The following SPAST variants were observed in gnomAD, a reference collection of about 807,000 sequenced individuals.
SPAST encodes spastic paraplegia 4 (autosomal dominant; spastin).
SPAST carries 30 observed loss-of-function variants against 76.6 expected under a neutral mutation model. The ratio of observed to expected loss-of-function variants is 0.39; its 90% CI spans 0.29 to 0.53. The LOEUF (loss-of-function observed/expected upper bound fraction) is 0.53. Ranked by LOEUF, SPAST falls within the 20% of genes least tolerant of loss-of-function variation. The pLI is 0.68. For missense variants in SPAST, 717 were observed against 770.5 expected (o/e 0.93, Z 0.82); for synonymous variants, 305 against 281.0 (o/e 1.09, Z -0.86).
At chr2:32,107,287 C>T (rs1056058611) in intron 4 of SPAST, among the ~76,000 whole-genome samples, 3 of 152,040 alleles carry the variant, frequency 2.0e-5, no homozygotes, top group South Asian at 2.1e-4. Flanking sequence ...GGCTGGAGTG[C>T]GGTGGCGCAA....
intron 9 of SPAST, among the ~76,000 whole-genome samples, chr2:32,132,315 T>C (rs1241079333): frequency 6.6e-6 from 1 of 152,070 alleles, no homozygotes; most frequent in Non-Finnish European, 1.5e-5. Flanking sequence ...TTCTTGAGCT[T>C]GGGAGGTGGA....
rs1157374117 is a variant in SPAST, at chr2:32,064,260, TG to T, written c.415+19del. 2 of 461,120 alleles carry T rather than the reference TG, an allele frequency of 4.3e-6. No homozygotes were observed. The highest frequency in any genetic ancestry group is 5.6e-6 in the Non-Finnish European group (2 of 358,658). The allele number at this position is 461,120 out of a possible 1,614,324, so 28.6% of individuals were successfully genotyped here. On this transcript the variant is annotated intron_variant, in intron 1 of 16. Transcript: ENST00000315285. ...AGGATGAGAAAGGTAACTAGGGGGC[TG>T]GGGGAGGGGGCGGCGGCGCCGGGAA...
chr2:32,087,626 A>G lies in SPAST; in HGVS notation c.502+48A>G, dbSNP rs75015249. 4.1e-4 allele frequency: 337 copies of G among 831,392 alleles called. 1 individual carries two copies. In the East Asian group the frequency reaches 8.8e-3, roughly 22 times the overall value. 51.5% of individuals were successfully genotyped at this position (831,392 alleles called of 1,614,324 possible). On this transcript the variant is annotated intron_variant, in intron 2 of 16. Transcript: ENST00000315285. Reference sequence around the variant, plus strand: ...CCATCCCAAATTATGATATATTCACATGATTGTCCAGATTTCAGATCTATT... The same window carrying G: ...CCATCCCAAATTATGATATATTCACGTGATTGTCCAGATTTCAGATCTATT...
At chr2:32,087,755 A>G (rs1412670357) in intron 2 of SPAST, among the ~76,000 whole-genome samples, 177 bp downstream of exon 2, 1 of 126,600 alleles carries the variant, frequency 7.9e-6, no homozygotes, top group East Asian at 2.4e-4. Context: ...GAGTGCAGTG[A>G]TGTGATCATA....
chr2:32,074,616 C>G (rs888574636), intron 1 of SPAST, among the ~76,000 whole-genome samples: 1 of 152,012 alleles, frequency 6.6e-6, no homozygotes, highest in Non-Finnish European at 1.5e-5. Context: ...AAGCGACTCT[C>G]CTGCCTCAGC....
intron 4 of SPAST, among the ~76,000 whole-genome samples, chr2:32,105,757 C>T (rs1324230453): frequency 2.6e-5 from 4 of 152,188 alleles, no homozygotes; most frequent in South Asian, 2.1e-4. Context: ...GTATCACCAG[C>T]GGAGGCTGCA....
rs201395991 is a variant in SPAST at position 32,114,698 on chromosome 2, G to A, written c.743G>A (p.Arg248His). 7 of 1,614,020 alleles carry A rather than the reference G, an allele frequency of 4.3e-6. No individual in the cohort carries two copies. The South Asian group carries it at 4.4e-5, about 10-fold the overall frequency. The change falls in exon 5 of 17, where the codon CGT becomes CAT. Residue 248 changes from arginine to histidine, a missense_variant. Arg to His is a conservative substitution (Grantham distance 29). Coordinates refer to ENST00000315285, the MANE Select transcript of SPAST (RefSeq NM_014946.4). ...PLTHTSNSLP[R>H]SKTVMKTGSA... is the part of the protein sequence containing the mutation. The stretch of plus-strand genomic sequence containing the variant: ...ACACACACTAGTAATTCACTGCCTC[G>A]TTCAAAAACAGTTATGAAAACTGGA...
chr2:32,135,896 G>C (rs1022782067), intron 9 of SPAST, among the ~76,000 whole-genome samples: 1 of 151,992 alleles, frequency 6.6e-6, no homozygotes, highest in African/African-American at 2.4e-5. Context: ...TTACCAATAT[G>C]GTAAAACCCC....
intron 3 of SPAST, among the ~76,000 whole-genome samples, chr2:32,091,248 T>C (rs1389710289): frequency 1.9e-3 from 3 of 1,558 alleles, no homozygotes; most frequent in African/African-American, 7.5e-3. Flanking sequence ...TATGAAGCTA[T>C]TATTATTATT....
At chr2:32,072,375 A>G (rs1676788313) in intron 1 of SPAST, among the ~76,000 whole-genome samples, 1 of 152,156 alleles carries the variant, frequency 6.6e-6, no homozygotes, top group Non-Finnish European at 1.5e-5. Context: ...ATGGCCTGCT[A>G]TCTGACGTGA....
intron 13 of SPAST, 125 bp downstream of exon 13, chr2:32,142,071 A>G (rs1325943362): frequency 1.3e-6 from 1 of 793,796 alleles, no homozygotes; most frequent in Non-Finnish European, 2.1e-6. Context: ...TTTCTTAAAA[A>G]GATGTACATA....
chr2:32,148,624 A>G (rs1679973498), intron 16 of SPAST, among the ~76,000 whole-genome samples: 1 of 152,166 alleles, frequency 6.6e-6, no homozygotes, highest in African/African-American at 2.4e-5. Context: ...GCTGGCTAAC[A>G]TGGTGAAACC....
intron 3 of SPAST, among the ~76,000 whole-genome samples, chr2:32,098,160 T>C (rs1387943442): frequency 1.3e-5 from 2 of 152,130 alleles, no homozygotes. Context: ...TGGTAGAAAT[T>C]GATTCATTTT....
intron 4 of SPAST, among the ~76,000 whole-genome samples, chr2:32,110,074 A>G (rs569551673): frequency 5.4e-4 from 80 of 147,098 alleles, no homozygotes; most frequent in Admixed American, 2.1e-3. Flanking sequence ...ATGTATTTGT[A>G]TATGTGTGTA....
At chr2:32,068,095 C>CA (rs1676596986) in intron 1 of SPAST, among the ~76,000 whole-genome samples, 1 of 150,958 alleles carries the variant, frequency 6.6e-6, no homozygotes, top group Non-Finnish European at 1.5e-5. Context: ...TCTCCTGCCT[C>CA]AGCTTCCCGA....
At chr2:32,088,450 G>C (rs1020993480) in intron 2 of SPAST, among the ~76,000 whole-genome samples, 1 of 152,184 alleles carries the variant, frequency 6.6e-6, no homozygotes, top group Non-Finnish European at 1.5e-5. Context: ...TTCGAGACCA[G>C]CCTGATCAAC....
chr2:32,068,839 AG>A (rs1463675542), intron 1 of SPAST, among the ~76,000 whole-genome samples: 1 of 150,778 alleles, frequency 6.6e-6, no homozygotes, highest in Non-Finnish European at 1.5e-5. Context: ...GGTTGCAGTG[AG>A]CTGAGATCTC....
intron 4 of SPAST, 86 bp from the exon 5 acceptor site, chr2:32,114,552 T>A (rs1678749054): frequency 4.0e-6 from 4 of 1,008,012 alleles, no homozygotes; most frequent in Non-Finnish European, 6.1e-6. Context: ...AAAAATATAT[T>A]ATTACCTTGG....
chr2:32,140,349 A>C (rs1476667436), intron 12 of SPAST, among the ~76,000 whole-genome samples: 1 of 152,134 alleles, frequency 6.6e-6, no homozygotes, highest in Non-Finnish European at 1.5e-5. Flanking sequence ...ATAAGCTCTT[A>C]CATTTCACTG....
Sources: gnomAD v4.1 joint callset for allele counts (sites outside exome capture counted in the v4.1 genomes callset) on GRCh38, gnomAD v4.1.1 for gene constraint, MANE v1.5 for transcripts, NCBI Gene and HGNC (gene_info 2026-07-23, HGNC 2026-07-21) for gene names.